SHANK2: variants seen among roughly 807,000 people sequenced by gnomAD.
SHANK2 encodes the protein SH3 and multiple ankyrin repeat domains 2, also known as SH3 and multiple ankyrin repeat domains protein 2.
SHANK2 carries 43 observed loss-of-function variants against 133.7 expected under a neutral mutation model. The ratio of observed to expected loss-of-function variants is 0.32; its 90% CI spans 0.25 to 0.41. SHANK2 has a LOEUF of 0.41. Among genes scored for constraint, SHANK2 ranks in the 10% least tolerant of loss-of-function variants. The pLI, the probability that SHANK2 is intolerant of heterozygous loss-of-function variation, is 1.00. For missense variants in SHANK2, 1,994 were observed against 2,235.8 expected, an observed-to-expected ratio of 0.89 and a Z score of 2.18; for synonymous variants, 1,017 against 952.8, an observed-to-expected ratio of 1.07 and a Z score of -1.24.
Position 70,489,559 on chromosome 11 carries a change from C to T in SHANK2, c.2552-211G>A. The T allele has an allele frequency of 4.9e-6, 3 of 608,304 alleles. No individual in the cohort carries two copies. In the South Asian group the frequency reaches 5.6e-5, roughly 11 times the overall value. The allele number at this position is 608,304 out of a possible 1,614,324, so 37.7% of individuals were successfully genotyped here. ...AGCCCAGAGGCATTTCCAGAACACACAGGACAGTGCCCCTGGGGTGGGCTG... is the reference window on the plus strand; with the variant it reads ...AGCCCAGAGGCATTTCCAGAACACATAGGACAGTGCCCCTGGGGTGGGCTG... On this transcript the variant is annotated intron_variant, in intron 23 of 25. Transcript: ENST00000601538.
Position 71,119,003 on chromosome 11 carries a change from T to G in SHANK2, c.237A>C (p.Thr79=). 4 of 1,551,720 alleles carry G rather than the reference T, an allele frequency of 2.6e-6. No homozygotes were observed. Among genetic ancestry groups the G allele is most frequent in the Non-Finnish European group, 3.5e-6 (4 of 1,146,988 alleles). ...TKCIRFNPDA[T]VWVAKQRILC... The stretch of plus-strand genomic sequence containing the variant: ...GGATCCGCTGCTTTGCAACCCACAC[T>G]GTGGCATCCGGGTTAAATCGAATGC... The change falls in exon 4 of 26, where the codon ACA becomes ACC. Residue 79 remains threonine (T), a synonymous_variant. Coordinates refer to ENST00000601538, the MANE Select transcript of SHANK2 (RefSeq NM_012309.5).
At chr11:71,070,176 T>C (rs1951124839) in intron 9 of SHANK2, among the ~76,000 whole-genome samples, 1 of 152,168 alleles carries the variant, frequency 6.6e-6, no homozygotes, top group East Asian at 1.9e-4. Flanking sequence ...TCACACGAGA[T>C]GTGGTTTGGA....
chr11:70,637,272 G>A (rs1270180832), intron 17 of SHANK2, among the ~76,000 whole-genome samples: 9 of 152,162 alleles, frequency 5.9e-5, no homozygotes, highest in African/African-American at 2.2e-4. Context: ...GGCTCTGTGA[G>A]GGCAGGGCCT....
At chr11:71,176,946 G>T (rs979124080) in intron 2 of SHANK2, among the ~76,000 whole-genome samples, 1 of 151,988 alleles carries the variant, frequency 6.6e-6, no homozygotes, top group Non-Finnish European at 1.5e-5. Flanking sequence ...CAAAGATAAA[G>T]AAAAAATCTT....
intron 6 of SHANK2, among the ~76,000 whole-genome samples, chr11:71,105,590 TAAAAAAAAAAAAAA>T (rs60654256): frequency 2.6e-5 from 2 of 77,946 alleles, no homozygotes; most frequent in South Asian, 1.1e-3. Flanking sequence ...AGACTCAGTC[TAAAAAAAAAAAAAA>T]AAAAAAAAAA....
intron 17 of SHANK2, among the ~76,000 whole-genome samples, chr11:70,632,245 C>T (rs2061002030): frequency 6.6e-6 from 1 of 152,072 alleles, no homozygotes; most frequent in African/African-American, 2.4e-5. Context: ...CCTCAGCCTC[C>T]CGAGTAGCTG....
chr11:70,923,497 C>A (rs1232244208), intron 10 of SHANK2, among the ~76,000 whole-genome samples: 1 of 152,188 alleles, frequency 6.6e-6, no homozygotes, highest in African/African-American at 2.4e-5. Flanking sequence ...CCGTCTCCAC[C>A]TCCCAAAGCA....
intron 11 of SHANK2, among the ~76,000 whole-genome samples, chr11:70,852,397 A>G (rs1555065812): frequency 1.3e-5 from 2 of 152,182 alleles, no homozygotes; most frequent in African/African-American, 4.8e-5. Flanking sequence ...GGGGCCTGCA[A>G]AGGGTGTTGT....
At chr11:70,839,429 C>A (rs1056646499) in intron 11 of SHANK2, among the ~76,000 whole-genome samples, 1 of 152,162 alleles carries the variant, frequency 6.6e-6, no homozygotes, top group Non-Finnish European at 1.5e-5. Flanking sequence ...CAACACACAC[C>A]CCCCTGGTAG....
intron 3 of SHANK2, among the ~76,000 whole-genome samples, chr11:71,125,841 G>T (rs1952172614): frequency 6.6e-6 from 1 of 152,218 alleles, no homozygotes; most frequent in African/African-American, 2.4e-5. Flanking sequence ...AGGCTGTCTT[G>T]TTAGGGGCTA....
chr11:70,649,356 A>C (rs1353301996), intron 17 of SHANK2, among the ~76,000 whole-genome samples: 20 of 152,334 alleles, frequency 1.3e-4, no homozygotes, highest in African/African-American at 4.3e-4. Context: ...ATGAGACCAC[A>C]GCGGGGCTAC....
At chr11:70,820,342 C>T (rs1010455493) in intron 12 of SHANK2, 22 bp downstream of exon 12, 2 of 604,070 alleles carry the variant, frequency 3.3e-6, no homozygotes, top group South Asian at 2.1e-5. Context: ...TCTTCCTTCC[C>T]TTGGCGTCTG....
intron 17 of SHANK2, among the ~76,000 whole-genome samples, chr11:70,512,113 T>A (rs1284971769): frequency 6.6e-6 from 1 of 152,220 alleles, no homozygotes; most frequent in African/African-American, 2.4e-5. Context: ...GCTCAGAGTT[T>A]GTGAAATGTG....
Position 70,485,563 on chromosome 11 carries a change from A to T in SHANK2, c.4730T>A (p.Ile1577Asn). ...LVEEDVDSFV[I>N]PPPAPPPPPG... is the part of the protein sequence containing the mutation. ...CGGGGGCGGGGGAGCGGGCGGGGGG[A>T]TAACAAAGCTATCTACATCTTCTTC... The change falls in exon 25 of 26, where the codon ATC (isoleucine) becomes AAC (asparagine). Residue 1577 changes from isoleucine to asparagine, a missense_variant. By Grantham distance (149) the Ile-to-Asn change is moderately radical (BLOSUM62 -3). This residue lies in a region of SHANK2 where 797 missense variants were observed against 907.4 expected (regional missense o/e 0.88). Transcript: ENST00000601538. The surrounding 1 kb of genome is among the most constrained non-coding windows in gnomAD (Gnocchi z 5.8). The T allele has an allele frequency of 6.2e-7, 1 of 1,613,126 alleles. No homozygotes were observed. Among genetic ancestry groups the T allele is most frequent in the Non-Finnish European group, 8.5e-7 (1 of 1,179,982 alleles).
intron 11 of SHANK2, among the ~76,000 whole-genome samples, chr11:70,871,148 T>G (rs767483650): frequency 1.4e-4 from 22 of 152,238 alleles, no homozygotes; most frequent in Non-Finnish European, 2.6e-4. Context: ...CATTTTCAGC[T>G]GATGACTTCT....
chr11:70,588,803 T>C (rs2060285247), intron 17 of SHANK2, among the ~76,000 whole-genome samples: 1 of 152,186 alleles, frequency 6.6e-6, no homozygotes, highest in Non-Finnish European at 1.5e-5. Flanking sequence ...AAACAACAGA[T>C]TTTCAATTGA....
chr11:70,673,881 T>C (rs1403980349), intron 15 of SHANK2, among the ~76,000 whole-genome samples: 1 of 152,236 alleles, frequency 6.6e-6, no homozygotes, highest in Non-Finnish European at 1.5e-5. Flanking sequence ...GGGGCAGTTG[T>C]AAAAACAGTT....
At chr11:70,573,113 C>A (rs1191956054) in intron 17 of SHANK2, among the ~76,000 whole-genome samples, 10 of 152,058 alleles carry the variant, frequency 6.6e-5, no homozygotes, top group Non-Finnish European at 8.8e-5. Flanking sequence ...AATCACACTG[C>A]CTGAGAGGAA....
intron 15 of SHANK2, chr11:70,669,271 C>A (rs1253293869): frequency 6.6e-6 from 1 of 152,290 alleles, no homozygotes; most frequent in African/African-American, 2.4e-5. Flanking sequence ...CGGTGGATGA[C>A]AGAGTTCCCA....
Sources: gnomAD v4.1 joint callset for allele counts (sites outside exome capture counted in the v4.1 genomes callset) on GRCh38, gnomAD v4.1.1 for gene constraint, gnomAD v4.1.1 regional missense constraint, Gnocchi (gnomAD v3.1) non-coding constraint, MANE v1.5 for transcripts, NCBI Gene and HGNC (gene_info 2026-07-23, HGNC 2026-07-21) for gene names.